Variants in BRPF3 observed in about 807,000 individuals in gnomAD.
The protein encoded by BRPF3 is bromodomain and PHD finger containing 3.
BRPF3 carries 18 observed loss-of-function variants against 102.0 expected under a neutral mutation model. The ratio of observed to expected loss-of-function variants is 0.18; its 90% CI spans 0.12 to 0.26. The LOEUF is 0.26. BRPF3 is among the 10% of genes least tolerant of loss of function. BRPF3 has a pLI of 1.00. For synonymous variants in BRPF3, 570 were observed against 614.2 expected, an observed-to-expected ratio of 0.93 and a Z score of 1.06; for missense variants, 1,147 against 1,567.8, an observed-to-expected ratio of 0.73 and a Z score of 4.53.
In BRPF3 at chr6:36,222,222, C is replaced by G; in HGVS notation, c.3138C>G (p.Pro1046=). 6.4e-7 allele frequency: 1 copy of G among 1,550,494 alleles called. No individual in the cohort carries two copies. The highest frequency in any genetic ancestry group is 8.7e-7 in the Non-Finnish European group (1 of 1,147,222). ...GGAAGCCAGCCCTGTCTCGAGTGCC[C>G]TTCCTGGAAGGTGTGAACGGAGACT... ...SRGKPALSRV[P]FLEGVNGDSD... is the part of the protein sequence containing the mutation. Residue 1046 remains proline (P), a synonymous_variant, in exon 10 of 13, where the codon CCC becomes CCG. Transcript: ENST00000357641.
intron 1 of BRPF3, among the ~76,000 whole-genome samples, chr6:36,198,839 C>T (rs1190203736): frequency 1.3e-5 from 2 of 152,190 alleles, no homozygotes; most frequent in African/African-American, 2.4e-5. Flanking sequence ...ATGAGCTTGT[C>T]ATCCAGAGAA....
Position 36,200,421 on chromosome 6 carries a change from A to G in BRPF3, c.99A>G (p.Thr33=), listed in dbSNP as rs979645029. 6.2e-7 allele frequency: 1 copy of G among 1,614,174 alleles called. No homozygotes were observed. The highest frequency in any genetic ancestry group is 8.5e-7 in the Non-Finnish European group (1 of 1,180,062). ...GCTCACCCACCCGGGAGACCCTGAC[A>G]TATGCCCAGGCCCAGCGGATTGTCG... ...LKCSPTRETL[T]YAQAQRIVEV... The change falls in exon 2 of 13, where the codon ACA becomes ACG. Residue 33 remains threonine (T), a synonymous_variant. Coordinates refer to ENST00000357641, the MANE Select transcript of BRPF3 (RefSeq NM_015695.3). This position sits in a 1 kb window ranked among gnomAD's most constrained non-coding sequence, Gnocchi z 5.3.
In BRPF3 at chr6:36,231,091, A is replaced by C; in HGVS notation, c.*482A>C. 1.3e-5 allele frequency: 2 copies of C among 154,124 alleles called. No individual in the cohort carries two copies. Among genetic ancestry groups the C allele is most frequent in the Admixed American group, 6.5e-5 (1 of 15,318 alleles). The allele number at this position is 154,124 out of a possible 1,614,324, so 9.5% of individuals were successfully genotyped here. On this transcript the variant is annotated 3_prime_UTR_variant, in exon 13 of 13. Coordinates refer to ENST00000357641, the MANE Select transcript of BRPF3 (RefSeq NM_015695.3). ...TCTCCCGCTTATCGCCTATTCTCACACCTCTTCTCGGTCCCATCTTCTGCA... is the reference window on the plus strand; with the variant it reads ...TCTCCCGCTTATCGCCTATTCTCACCCCTCTTCTCGGTCCCATCTTCTGCA...
intron 11 of BRPF3, 95 bp downstream of exon 11, chr6:36,225,459 G>A (rs1260046155): frequency 1.7e-6 from 2 of 1,163,616 alleles, no homozygotes; most frequent in African/African-American, 3.0e-5. Flanking sequence ...GTGGGAGTCA[G>A]AGTGTCTTTA....
Position 36,228,958 on chromosome 6 carries a change from T to C in BRPF3, c.3336T>C (p.Pro1112=). ...TCCTGCACAATGGCGTTCCCATCCC[T>C]GTCCCCCCGCTGGACGTGCTGAAGC... ...EGLLHNGVPI[P]VPPLDVLKLG... Residue 1112 remains proline (P), a synonymous_variant, in exon 12 of 13, where the codon CCT becomes CCC. Coordinates refer to ENST00000357641, the MANE Select transcript of BRPF3 (RefSeq NM_015695.3). 3 of 1,614,220 alleles carry C rather than the reference T, an allele frequency of 1.9e-6. No individual in the cohort carries two copies. The highest frequency in any genetic ancestry group is 2.2e-5 in the East Asian group (1 of 44,874).
In BRPF3 at chr6:36,210,471, A is replaced by G; in HGVS notation, c.2122A>G (p.Thr708Ala). 6.2e-7 allele frequency: 1 copy of G among 1,606,294 alleles called. No homozygotes were observed. Among genetic ancestry groups the G allele is most frequent in the South Asian group, 1.1e-5 (1 of 91,038 alleles). ...ENIGYDPERG[T>A]HLPESPKLED... ...CATCGGCTATGACCCCGAGAGGGGC[A>G]CTCACCTGCCCGAGTCACCCAAATT... The change falls in exon 6 of 13, where the codon ACT becomes GCT. Residue 708 changes from threonine to alanine, a missense_variant. By Grantham distance (58) the Thr-to-Ala change is moderately conservative (BLOSUM62 0). Transcript: ENST00000357641. The surrounding 1 kb of genome is among the most constrained non-coding windows in gnomAD (Gnocchi z 4.7).
chr6:36,230,352 A>C lies in BRPF3; in HGVS notation c.3435-74A>C, dbSNP rs1330752934. The C allele has an allele frequency of 2.0e-6, 3 of 1,502,904 alleles. No individual in the cohort carries two copies. The highest frequency in any genetic ancestry group is 1.4e-5 in the African/African-American group (1 of 72,758). The allele number at this position is 1,502,904 out of a possible 1,614,324, so 93.1% of individuals were successfully genotyped here. ...CTCCCTGGCTTTGCTGGTCCTGGCC[A>C]AGTGGGGCCACAGGAGCCCGAGCCC... On this transcript the variant is annotated intron_variant, in intron 12 of 12. Transcript: ENST00000357641. The surrounding 1 kb of genome is among the most constrained non-coding windows in gnomAD (Gnocchi z 5.4).
chr6:36,204,963 C>T (rs1361959683), intron 3 of BRPF3, 149 bp downstream of exon 3: 5 of 970,930 alleles, frequency 5.1e-6, no homozygotes, highest in African/African-American at 1.6e-5. Flanking sequence ...GAACAACCCC[C>T]AGCACTACAG....
At chr6:36,229,711 A>T (rs1417661885) in intron 12 of BRPF3, among the ~76,000 whole-genome samples, 1 of 152,232 alleles carries the variant, frequency 6.6e-6, no homozygotes, top group Non-Finnish European at 1.5e-5. Context: ...CTATAGAGTG[A>T]GGAGGGAGAA....
rs1768083042 is a variant in BRPF3, at chr6:36,210,941, C to T, written c.2180-317C>T. 6.6e-6 allele frequency among the ~76,000 whole-genome samples: 1 copy of T among 152,184 alleles called. No homozygotes were observed. The highest frequency in any genetic ancestry group is 2.4e-5 in the African/African-American group (1 of 41,442). On this transcript the variant is annotated intron_variant, in intron 6 of 12. Transcript: ENST00000357641. This position sits in a 1 kb window ranked among gnomAD's most constrained non-coding sequence, Gnocchi z 4.7. The stretch of plus-strand genomic sequence containing the variant: ...CTCTGAGCCCCACACGCTGCCTGTC[C>T]CTGCTCTCTGCTTCTCGATGGCAGC...
At position 36,203,209 on chromosome 6, in the gene BRPF3, A is replaced by C. The variant is rs1353954532; in HGVS notation, c.1448+1439A>C. 2.0e-5 allele frequency among the ~76,000 whole-genome samples: 3 copies of C among 152,316 alleles called. No individual in the cohort carries two copies. The East Asian group carries it at 5.8e-4, about 29-fold the overall frequency. ...AAGAACCAGACAAACCTACATTTGA[A>C]ACCCAATTCTGTGACTTAGTACCTT... On this transcript the variant is annotated intron_variant, in intron 2 of 12. Coordinates refer to ENST00000357641, the MANE Select transcript of BRPF3 (RefSeq NM_015695.3).
chr6:36,208,262 G>A (rs1352157269), intron 4 of BRPF3, among the ~76,000 whole-genome samples: 1 of 152,154 alleles, frequency 6.6e-6, no homozygotes, highest in Non-Finnish European at 1.5e-5. Flanking sequence ...TGTTAATTAA[G>A]TGGATGAAAA....
chr6:36,207,448 A>T lies in BRPF3; in HGVS notation c.1737+4A>T. ...AGAGAAGCTCAAACGAGAGCAGGTA[A>T]GGAGGAGCCCCCAGCCCTAGGGCCC... On this transcript the variant is annotated splice_donor_region_variant and intron_variant, in intron 4 of 12. Coordinates refer to ENST00000357641, the MANE Select transcript of BRPF3 (RefSeq NM_015695.3). 2.5e-6 allele frequency: 4 copies of T among 1,613,876 alleles called. No individual in the cohort carries two copies. The highest frequency in any genetic ancestry group is 3.4e-6 in the Non-Finnish European group (4 of 1,179,860).
chr6:36,217,795 G>A, intron 8 of BRPF3, 122 bp from the exon 9 acceptor site: 1 of 686,862 alleles, frequency 1.5e-6, no homozygotes, highest in South Asian at 2.0e-5. Flanking sequence ...TTTCTCACAG[G>A]GAAAGGAATA....
intron 11 of BRPF3, among the ~76,000 whole-genome samples, chr6:36,226,373 C>T (rs1189666917): frequency 6.6e-6 from 1 of 152,182 alleles, no homozygotes; most frequent in Non-Finnish European, 1.5e-5. Context: ...TTTCTGAACT[C>T]TTTCTCAGTT....
intron 9 of BRPF3, among the ~76,000 whole-genome samples, chr6:36,218,484 G>A (rs941515109): frequency 7.6e-5 from 11 of 145,386 alleles, no homozygotes; most frequent in African/African-American, 2.3e-4. Context: ...TTTTTGAGAC[G>A]GAGTCTTGCT....
At chr6:36,224,355 T>C (rs1435400086) in intron 10 of BRPF3, among the ~76,000 whole-genome samples, 3 of 152,150 alleles carry the variant, frequency 2.0e-5, no homozygotes, top group East Asian at 1.9e-4. Context: ...AGAGTGGTTC[T>C]TCTGTGTGTT....
At chr6:36,211,653 T>G (rs1768119047) in intron 7 of BRPF3, 93 bp downstream of exon 7, 1 of 1,435,362 alleles carries the variant, frequency 7.0e-7, no homozygotes, top group African/African-American at 1.4e-5. Flanking sequence ...CTTTCTGAGT[T>G]TAGATCTGAC....
intron 11 of BRPF3, among the ~76,000 whole-genome samples, chr6:36,226,900 G>A (rs79621660): frequency 0.012 from 1,856 of 152,334 alleles, 33 homozygotes; most frequent in African/African-American, 0.039. Context: ...CCCTGCCAGC[G>A]GTGAAACCGC....
Sources: gnomAD v4.1 joint callset for allele counts (sites outside exome capture counted in the v4.1 genomes callset) on GRCh38, gnomAD v4.1.1 for gene constraint, Gnocchi (gnomAD v3.1) non-coding constraint, MANE v1.5 for transcripts, NCBI Gene and HGNC (gene_info 2026-07-23, HGNC 2026-07-21) for gene names.